PPP6R3: variants seen among roughly 807,000 people sequenced by gnomAD.
PPP6R3 encodes the protein protein phosphatase 6 regulatory subunit 3.
Under a neutral mutation model 110.7 loss-of-function variants are expected in PPP6R3, and 38 were observed. That is an observed-to-expected ratio of 0.34 (90% CI 0.26 to 0.45). The LOEUF (loss-of-function observed/expected upper bound fraction) is 0.45, where lower values mean the gene tolerates loss of function less well. Ranked by LOEUF, PPP6R3 falls within the 20% of genes least tolerant of loss-of-function variation. PPP6R3 has a pLI of 1.00. For synonymous variants in PPP6R3, 369 were observed against 373.5 expected (o/e 0.99, Z 0.14); for missense variants, 870 against 1,062.4 (o/e 0.82, Z 2.52).
chr11:68,471,934 A>G (rs1188769207), intron 1 of PPP6R3, among the ~76,000 whole-genome samples: 5 of 151,628 alleles, frequency 3.3e-5, no homozygotes, highest in South Asian at 4.2e-4. Context: ...TCTTGGTGAA[A>G]TGGAAGAGTT....
intron 15 of PPP6R3, chr11:68,586,218 TACTC>T (rs2099578084): frequency 6.6e-6 from 1 of 152,216 alleles, no homozygotes; most frequent in South Asian, 2.1e-4. Context: ...TCATGCTGCT[TACTC>T]AACAGAATCA....
chr11:68,566,863 A>G, intron 9 of PPP6R3, 151 bp from the exon 10 acceptor site: 1 of 556,610 alleles, frequency 1.8e-6, no homozygotes, highest in Non-Finnish European at 3.0e-6. Flanking sequence ...ATTGTATCTT[A>G]AAGATATCAA....
At position 68,516,047 on chromosome 11, in the gene PPP6R3, T is replaced by C. The variant is rs1014913861; in HGVS notation, c.-157-3454T>C. Among the ~76,000 whole-genome samples the C allele has an allele frequency of 2.6e-5, 4 of 152,216 alleles. No homozygotes were observed. In the South Asian group the frequency reaches 8.3e-4, roughly 32 times the overall value. On this transcript the variant is annotated intron_variant, in intron 1 of 23. Transcript: ENST00000393800. ...GACTATTCTGAGTACCTCCAATAAGTTGGAATTACATAGTCTTCTGCCTTT... is the reference window on the plus strand; with the variant it reads ...GACTATTCTGAGTACCTCCAATAAGCTGGAATTACATAGTCTTCTGCCTTT...
intron 2 of PPP6R3, among the ~76,000 whole-genome samples, chr11:68,520,303 T>C (rs969073325): frequency 6.6e-6 from 1 of 152,206 alleles, no homozygotes; most frequent in African/African-American, 2.4e-5. Context: ...GCTCTAAGAC[T>C]TGAAATTTTA....
At position 68,558,747 on chromosome 11, in the gene PPP6R3, T is replaced by A. The variant is rs1004012495; in HGVS notation, c.845+68T>A. On this transcript the variant is annotated intron_variant, in intron 8 of 23. Coordinates refer to ENST00000393800, the MANE Select transcript of PPP6R3 (RefSeq NM_001164161.2). Reference sequence around the variant, plus strand: ...GCTTTCAGATTTAAGAGTTAAATTCTTAGTGGATAAGCTGTAATAGCGTAC... The same window carrying A: ...GCTTTCAGATTTAAGAGTTAAATTCATAGTGGATAAGCTGTAATAGCGTAC... 53 of 1,213,468 alleles carry A rather than the reference T, an allele frequency of 4.4e-5. No homozygotes were observed. In the Admixed American group the frequency reaches 9.3e-4, roughly 21 times the overall value. The allele number at this position is 1,213,468 out of a possible 1,614,324, so 75.2% of individuals were successfully genotyped here.
intron 14 of PPP6R3, among the ~76,000 whole-genome samples, chr11:68,576,281 C>A (rs1466337375): frequency 7.9e-5 from 12 of 152,210 alleles, no homozygotes; most frequent in African/African-American, 2.9e-4. Context: ...GATTTCTGCT[C>A]CACATCCTAC....
intron 2 of PPP6R3, among the ~76,000 whole-genome samples, chr11:68,534,681 C>T (rs1041503474): frequency 6.6e-6 from 1 of 152,200 alleles, no homozygotes; most frequent in East Asian, 1.9e-4. Context: ...ATGCCAGATT[C>T]ACTTTTTTTC....
intron 12 of PPP6R3, among the ~76,000 whole-genome samples, chr11:68,571,971 G>C (rs73504492): frequency 6.6e-6 from 1 of 151,898 alleles, no homozygotes; most frequent in Non-Finnish European, 1.5e-5. Flanking sequence ...CTCCAGGAAA[G>C]CTAGATGACT....
At chr11:68,477,741 A>AAAATAT in intron 1 of PPP6R3, among the ~76,000 whole-genome samples, 96 of 57,902 alleles carry the variant, frequency 1.7e-3, no homozygotes, top group African/African-American at 5.6e-3. Flanking sequence ...AAAAAAAAAA[A>AAAATAT]ATATATATAT....
chr11:68,520,757 CAT>C (rs2099160124), intron 2 of PPP6R3, among the ~76,000 whole-genome samples: 1 of 152,094 alleles, frequency 6.6e-6, no homozygotes, highest in South Asian at 2.1e-4. Context: ...CCCCTTGTCT[CAT>C]AGAGTTTTTT....
At chr11:68,494,408 C>CA (rs35190764) in intron 1 of PPP6R3, among the ~76,000 whole-genome samples, 1,479 of 59,890 alleles carry the variant, frequency 0.025, 42 homozygotes, top group African/African-American at 0.058. Context: ...CCTGTAATCT[C>CA]AAAAAAAAAA....
intron 9 of PPP6R3, among the ~76,000 whole-genome samples, chr11:68,565,295 C>G (rs1257809620): frequency 6.6e-6 from 1 of 151,940 alleles, no homozygotes; most frequent in Non-Finnish European, 1.5e-5. Context: ...TTTCAGATAC[C>G]TGATGCCATT....
intron 15 of PPP6R3, among the ~76,000 whole-genome samples, chr11:68,584,312 C>T (rs1042887939): frequency 6.6e-6 from 1 of 152,188 alleles, no homozygotes; most frequent in Admixed American, 6.5e-5. Context: ...GCAAGCAGCC[C>T]TTTTCCCAGA....
At chr11:68,586,951 C>G (rs1420433154) in intron 15 of PPP6R3, 1 of 152,348 alleles carries the variant, frequency 6.6e-6, no homozygotes, top group Non-Finnish European at 1.5e-5. Context: ...AGCCGCCTCC[C>G]TGCCCCTCAT....
Position 68,535,799 on chromosome 11 carries a change from T to TAAAA in PPP6R3, c.-6-1840_-6-1837dup, listed in dbSNP as rs1269536453. Among the ~76,000 whole-genome samples the TAAAA allele has an allele frequency of 5.9e-3, 462 of 78,370 alleles. 7 individuals are homozygous for TAAAA. Among genetic ancestry groups the TAAAA allele is most frequent in the African/African-American group, 0.02 (420 of 21,268 alleles). 51.4% of individuals were successfully genotyped at this position (78,370 alleles called of 152,430 possible). A position where few individuals can be genotyped will look rare whatever the true frequency, so the allele number is the denominator to read the frequency against. On this transcript the variant is annotated intron_variant, in intron 2 of 23. Coordinates refer to ENST00000393800, the MANE Select transcript of PPP6R3 (RefSeq NM_001164161.2). ...CAACATTGTGAAACCCCGTCTCTACTAAAAAAAAAAAAAAAAAAAAAAATC... is the reference window on the plus strand; with the variant it reads ...CAACATTGTGAAACCCCGTCTCTACTAAAAAAAAAAAAAAAAAAAAAAAAAAATC...
At position 68,609,421 on chromosome 11, in the gene PPP6R3, G is replaced by T. The variant is rs1212408004; in HGVS notation, c.2451-483G>T. On this transcript the variant is annotated intron_variant, in intron 22 of 23. Transcript: ENST00000393800. ...GTCTGTCTTGCTGCTTTAATGGTGG[G>T]CTTGGCCCCAAAAGCAAAGTGCTTT... 6.8e-6 allele frequency: 5 copies of T among 733,640 alleles called. No individual in the cohort carries two copies. In the Admixed American group the frequency reaches 1.0e-4, roughly 15 times the overall value. 45.4% of individuals were successfully genotyped at this position (733,640 alleles called of 1,614,324 possible). A position where few individuals can be genotyped will look rare whatever the true frequency, so the allele number is the denominator to read the frequency against.
At chr11:68,479,118 A>C (rs1169943248) in intron 1 of PPP6R3, among the ~76,000 whole-genome samples, 1 of 152,238 alleles carries the variant, frequency 6.6e-6, no homozygotes, top group Admixed American at 6.5e-5. Flanking sequence ...GCTATCAATA[A>C]GCAATCATAT....
chr11:68,510,667 A>T (rs768215229), intron 1 of PPP6R3, among the ~76,000 whole-genome samples: 36 of 152,156 alleles, frequency 2.4e-4, no homozygotes, highest in Non-Finnish European at 4.6e-4. Flanking sequence ...TTTAAACTAA[A>T]GCTTTATATG....
chr11:68,516,621 G>A (rs1185954740), intron 1 of PPP6R3, among the ~76,000 whole-genome samples: 1 of 152,168 alleles, frequency 6.6e-6, no homozygotes, highest in African/African-American at 2.4e-5. Context: ...TTGCTTCCAT[G>A]TTTTAGCTGT....
Sources: allele counts gnomAD v4.1 joint callset (sites outside exome capture counted in the v4.1 genomes callset), GRCh38; gene constraint gnomAD v4.1.1; transcripts MANE v1.5; gene names NCBI Gene and HGNC (gene_info 2026-07-23, HGNC 2026-07-21).